The following SEMA4A variants were observed in gnomAD, a reference collection of about 807,000 sequenced individuals.
The protein encoded by SEMA4A is semaphorin-4A.
In SEMA4A, 52 loss-of-function variants were observed where a neutral mutation model predicts 72.5. The observed-to-expected ratio is 0.72, with a 90% CI of 0.57 to 0.90. SEMA4A has a LOEUF of 0.90. SEMA4A is among the 40% of genes least tolerant of loss of function. The pLI, the probability that SEMA4A is intolerant of heterozygous loss-of-function variation, is 0.00. For missense variants in SEMA4A, 926 were observed against 959.7 expected (o/e 0.96, Z 0.46); for synonymous variants, 369 against 393.1 (o/e 0.94, Z 0.73).
chr1:156,154,493 G>A (rs954102274), intron 1 of SEMA4A, 57 bp from the exon 2 acceptor site: 29 of 1,488,494 alleles, frequency 1.9e-5, no homozygotes, highest in East Asian at 9.5e-5. Flanking sequence ...ATTGGTCCTC[G>A]GGGGGATGTG....
In SEMA4A at chr1:156,157,332, C is replaced by T. The variant is rs1184839957; in HGVS notation, c.301-738C>T. On this transcript the variant is annotated intron_variant, in intron 3 of 14. Coordinates refer to ENST00000368285, the MANE Select transcript of SEMA4A (RefSeq NM_022367.4). This position sits in a 1 kb window ranked among gnomAD's most constrained non-coding sequence, Gnocchi z 4.5. Reference sequence around the variant, plus strand: ...CTGAGTAGCTGGGATTACAGGCGCCCGCCACTAGGCATGGCTGATTTTTCT... The same window carrying T: ...CTGAGTAGCTGGGATTACAGGCGCCTGCCACTAGGCATGGCTGATTTTTCT... 6.6e-6 allele frequency among the ~76,000 whole-genome samples: 1 copy of T among 151,940 alleles called. No homozygotes were observed. Among genetic ancestry groups the T allele is most frequent in the African/African-American group, 2.4e-5 (1 of 41,372 alleles).
chr1:156,156,687 C>CAGTT, intron 3 of SEMA4A, 113 bp downstream of exon 3: 1 of 1,010,552 alleles, frequency 9.9e-7, no homozygotes, highest in South Asian at 1.4e-5. Context: ...CTGTAATCAG[C>CAGTT]AGTTCTCTTT....
chr1:156,149,177 A>G (rs1366206664), upstream of SEMA4A, among the ~76,000 whole-genome samples: 1 of 152,156 alleles, frequency 6.6e-6, no homozygotes, highest in East Asian at 1.9e-4. Flanking sequence ...CTCTAGTAAC[A>G]AGGCTGTTTA....
At position 156,177,219 on chromosome 1, in the gene SEMA4A, A is replaced by G; in HGVS notation, c.*222A>G. ...CTACCAAGCACATGAGCTCTCTAAC[A>G]GGGTGGGGGCTACCCCCAGACCTGC... is the stretch of plus-strand genomic sequence containing the variant. On this transcript the variant is annotated 3_prime_UTR_variant, in exon 15 of 15. Transcript: ENST00000368285. The G allele has an allele frequency of 1.6e-6, 1 of 614,282 alleles. No homozygotes were observed. The highest frequency in any genetic ancestry group is 1.8e-5 in the South Asian group (1 of 54,062). 38.1% of individuals were successfully genotyped at this position (614,282 alleles called of 1,614,324 possible).
rs187735207 is a variant in SEMA4A, at chr1:156,154,963, G to A, written c.139+246G>A. 1.7e-4 allele frequency: 95 copies of A among 556,876 alleles called. 1 individual carries two copies. In the East Asian group the frequency reaches 2.5e-3, roughly 15 times the overall value. 34.5% of individuals were successfully genotyped at this position (556,876 alleles called of 1,614,324 possible). A position where few individuals can be genotyped will look rare whatever the true frequency, so the allele number is the denominator to read the frequency against. Reference sequence around the variant, plus strand: ...CAGGTGGCCACGGGGCCAGGGGCACGCTTCTTCCAGTTCTCCATGTTGGTA... The same window carrying A: ...CAGGTGGCCACGGGGCCAGGGGCACACTTCTTCCAGTTCTCCATGTTGGTA... On this transcript the variant is annotated intron_variant, in intron 2 of 14. Coordinates refer to ENST00000368285, the MANE Select transcript of SEMA4A (RefSeq NM_022367.4).
At chr1:156,159,919 G>GAA (rs34564497) in intron 6 of SEMA4A, among the ~76,000 whole-genome samples, 4 of 102,382 alleles carry the variant, frequency 3.9e-5, no homozygotes, top group South Asian at 6.6e-4. Context: ...ACCCTGTCTT[G>GAA]AAAAAAAAAA....
chr1:156,171,122 G>A (rs1654733340), intron 10 of SEMA4A, among the ~76,000 whole-genome samples: 1 of 152,100 alleles, frequency 6.6e-6, no homozygotes, highest in Non-Finnish European at 1.5e-5. Flanking sequence ...TGCTCATTCT[G>A]GCATCAAAAT....
In SEMA4A at chr1:156,161,538, C is replaced by A; in HGVS notation, c.983+20C>A. ...CCAGTGGTGAGCAGCAGGGCTGGACCATGGGGGCTGGACACGGGACTTGAC... is the reference window on the plus strand; with the variant it reads ...CCAGTGGTGAGCAGCAGGGCTGGACAATGGGGGCTGGACACGGGACTTGAC... On this transcript the variant is annotated intron_variant, in intron 9 of 14. Coordinates refer to ENST00000368285, the MANE Select transcript of SEMA4A (RefSeq NM_022367.4). 1 of 1,613,236 alleles carries A rather than the reference C, an allele frequency of 6.2e-7. No individual in the cohort carries two copies. Among genetic ancestry groups the A allele is most frequent in the Non-Finnish European group, 8.5e-7 (1 of 1,179,680 alleles).
chr1:156,148,801 CT>C (rs371528689), upstream of SEMA4A, among the ~76,000 whole-genome samples: 1,528 of 128,720 alleles, frequency 0.012, 11 homozygotes, highest in Non-Finnish European at 0.018. Flanking sequence ...TTTCTTTTTT[CT>C]TTTTTTTTTT....
intron 10 of SEMA4A, among the ~76,000 whole-genome samples, chr1:156,164,165 T>C (rs948086289): frequency 1.3e-5 from 2 of 151,828 alleles, no homozygotes; most frequent in Admixed American, 6.6e-5. Flanking sequence ...ATCAAATAGA[T>C]CTAAAATGAA....
rs115874939 is a variant in SEMA4A at position 156,156,623 on chromosome 1, C to T, written c.300+49C>T. On this transcript the variant is annotated intron_variant, in intron 3 of 14. Transcript: ENST00000368285. ...TGTGGGCTGGGAGTGAAGAGGGGGC[C>T]GGCAGCTACCCTGGGCTTGGCTGCC... 3,908 of 1,599,104 alleles carry T rather than the reference C, an allele frequency of 2.4e-3. 87 individuals carry two copies. The African/African-American group carries it at 0.047, about 19-fold the overall frequency.
Position 156,161,957 on chromosome 1 carries a change from G to C in SEMA4A, c.983+439G>C, listed in dbSNP as rs567736979. ...CAGGGCAAACAGGGAAACGCTATCC[G>C]TATCAGAAGATAAAAATAAAGTCGG... On this transcript the variant is annotated intron_variant, in intron 9 of 14. Transcript: ENST00000368285. Among the ~76,000 whole-genome samples the C allele has an allele frequency of 1.4e-4, 22 of 152,240 alleles. No individual in the cohort carries two copies. In the South Asian group the frequency reaches 4.6e-3, roughly 32 times the overall value.
chr1:156,152,616 T>C (rs1309291384), upstream of SEMA4A, among the ~76,000 whole-genome samples: 1 of 152,092 alleles, frequency 6.6e-6, no homozygotes, highest in African/African-American at 2.4e-5. Flanking sequence ...GCAGGATATG[T>C]CTGAGACCAA....
At chr1:156,164,131 T>C (rs572872179) in intron 10 of SEMA4A, among the ~76,000 whole-genome samples, 10 of 151,290 alleles carry the variant, frequency 6.6e-5, no homozygotes, top group Non-Finnish European at 1.3e-4. Context: ...AAATCAGAGC[T>C]ATTATATGTA....
At chr1:156,150,928 A>G (rs1652486252), upstream of SEMA4A, among the ~76,000 whole-genome samples, 1 of 152,052 alleles carries the variant, frequency 6.6e-6, no homozygotes, top group African/African-American at 2.4e-5. Context: ...GGGAAACCCC[A>G]GATTGGAGCT....
intron 14 of SEMA4A, among the ~76,000 whole-genome samples, chr1:156,176,118 A>C (rs919842875): frequency 6.6e-6 from 1 of 151,956 alleles, no homozygotes; most frequent in Non-Finnish European, 1.5e-5. Context: ...GTAAAACCCC[A>C]TCTCTACAAA....
At position 156,172,999 on chromosome 1, in the gene SEMA4A, G is replaced by T. The variant is rs1333339548; in HGVS notation, c.1308G>T (p.Leu436=). The T allele has an allele frequency of 3.1e-6, 5 of 1,613,780 alleles. No individual in the cohort carries two copies. Among genetic ancestry groups the T allele is most frequent in the Non-Finnish European group, 4.2e-6 (5 of 1,179,850 alleles). The part of the protein sequence containing the change: ...LDGHSHLVMY[L]GTTTGSLHKA... ...GGCACAGCCATCTTGTCATGTACCT[G>T]GGAACCAGTGAGTAAAGAGTTCCGG... The change falls in exon 11 of 15, where the codon CTG becomes CTT. Residue 436 remains leucine, a synonymous_variant. Transcript: ENST00000368285.
At chr1:156,173,395 C>T (rs1403083654) in intron 11 of SEMA4A, among the ~76,000 whole-genome samples, 1 of 152,074 alleles carries the variant, frequency 6.6e-6, no homozygotes, top group Non-Finnish European at 1.5e-5. Context: ...GTGGCTGGAG[C>T]ACGGAGTGGG....
At chr1:156,173,737 G>A (rs1235741415) in intron 11 of SEMA4A, among the ~76,000 whole-genome samples, 1 of 152,092 alleles carries the variant, frequency 6.6e-6, no homozygotes, top group Non-Finnish European at 1.5e-5. Context: ...TCTCTATGTA[G>A]GTGGAGGACA....
Sources: allele counts gnomAD v4.1 joint callset (sites outside exome capture counted in the v4.1 genomes callset), GRCh38; gene constraint gnomAD v4.1.1; non-coding constraint Gnocchi (gnomAD v3.1); transcripts MANE v1.5; gene names NCBI Gene and HGNC (gene_info 2026-07-23, HGNC 2026-07-21).